NCOA1: variants seen among roughly 807,000 people sequenced by gnomAD.
NCOA1 encodes the protein Hin-2 protein.
A neutral mutation model predicts 150.9 loss-of-function variants in NCOA1; 35 were observed. That is an observed-to-expected ratio of 0.23 (90% CI 0.18 to 0.31). The LOEUF is 0.31. NCOA1 is among the 10% of genes least tolerant of loss of function. NCOA1 has a pLI of 1.00. For synonymous variants in NCOA1, 590 were observed against 630.0 expected (o/e 0.94, Z 0.95); for missense variants, 1,491 against 1,749.3 (o/e 0.85, Z 2.63).
chr2:24,568,256 G>A (rs1666594303), intron 2 of NCOA1, among the ~76,000 whole-genome samples: 3 of 152,172 alleles, frequency 2.0e-5, no homozygotes, highest in Admixed American at 2.0e-4. Flanking sequence ...ACTTGAGACG[G>A]GAAGTTAAGG....
chr2:24,534,984 G>T (rs1002760292), intron 1 of NCOA1, among the ~76,000 whole-genome samples: 1 of 152,112 alleles, frequency 6.6e-6, no homozygotes, highest in Non-Finnish European at 1.5e-5. Flanking sequence ...GCAAAGCTGC[G>T]TTCAAGACCT....
chr2:24,609,403 A>T (rs1475542315), intron 3 of NCOA1, among the ~76,000 whole-genome samples: 1 of 152,174 alleles, frequency 6.6e-6, no homozygotes, highest in Non-Finnish European at 1.5e-5. Context: ...CCTTTCATTT[A>T]TAATTACCTT....
chr2:24,622,053 T>G (rs1184642577), intron 3 of NCOA1, among the ~76,000 whole-genome samples: 7 of 152,178 alleles, frequency 4.6e-5, no homozygotes, highest in African/African-American at 1.7e-4. Context: ...CTGCATCCAC[T>G]TACATATCCA....
intron 1 of NCOA1, among the ~76,000 whole-genome samples, chr2:24,526,683 C>T (rs1664666964): frequency 6.6e-6 from 1 of 150,776 alleles, no homozygotes. Context: ...CATTGCATTG[C>T]AGCCTTTGTG....
intron 1 of NCOA1, among the ~76,000 whole-genome samples, chr2:24,549,068 A>G (rs967215142): frequency 5.3e-5 from 8 of 152,032 alleles, no homozygotes; most frequent in Non-Finnish European, 8.8e-5. Flanking sequence ...GAGGTTCTCT[A>G]TGAGAGCCCC....
At chr2:24,589,791 C>T (rs1667576427) in intron 3 of NCOA1, among the ~76,000 whole-genome samples, 1 of 152,272 alleles carries the variant, frequency 6.6e-6, no homozygotes, top group African/African-American at 2.4e-5. Flanking sequence ...TTCCTTACTC[C>T]ATCAGACATT....
intron 1 of NCOA1, among the ~76,000 whole-genome samples, chr2:24,558,987 G>A (rs1200531249): frequency 6.6e-6 from 1 of 152,068 alleles, no homozygotes; most frequent in Non-Finnish European, 1.5e-5. Flanking sequence ...TGGTTTATCT[G>A]GGCATGCTCA....
In NCOA1 at chr2:24,725,562, G is replaced by A. The variant is rs117181418; in HGVS notation, c.2600-1027G>A. Among the ~76,000 whole-genome samples the A allele has an allele frequency of 3.3e-4, 50 of 152,068 alleles. 1 individual carries two copies. The East Asian group carries it at 9.4e-3, about 29-fold the overall frequency. ...TATAGTCACATTCTGAGATACCAGGGGTTAGGACTTCAGCATATTAATTTG... is the reference window on the plus strand; with the variant it reads ...TATAGTCACATTCTGAGATACCAGGAGTTAGGACTTCAGCATATTAATTTG... On this transcript the variant is annotated intron_variant, in intron 14 of 22. Transcript: ENST00000348332.
chr2:24,702,724 G>A (rs1673223803), intron 11 of NCOA1, among the ~76,000 whole-genome samples: 1 of 152,122 alleles, frequency 6.6e-6, no homozygotes, highest in Admixed American at 6.5e-5. Context: ...TTTAGAAATG[G>A]ACACAGGAAT....
chr2:24,523,414 G>A (rs1273698649), intron 1 of NCOA1, among the ~76,000 whole-genome samples: 1 of 151,282 alleles, frequency 6.6e-6, no homozygotes, highest in Non-Finnish European at 1.5e-5. Context: ...AGACCATCCT[G>A]GCTAACACGG....
chr2:24,559,145 A>C (rs903353426), intron 1 of NCOA1, among the ~76,000 whole-genome samples: 1 of 152,050 alleles, frequency 6.6e-6, no homozygotes, highest in Non-Finnish European at 1.5e-5. Flanking sequence ...TTTAGCTTTC[A>C]TATTTTACTT....
chr2:24,670,504 A>C (rs1428647834), intron 6 of NCOA1, among the ~76,000 whole-genome samples: 1 of 152,226 alleles, frequency 6.6e-6, no homozygotes, highest in Admixed American at 6.5e-5. Flanking sequence ...AAAAGGAATA[A>C]AGTACTGATA....
At chr2:24,747,153 T>C (rs992282894) in intron 19 of NCOA1, among the ~76,000 whole-genome samples, 7 of 152,010 alleles carry the variant, frequency 4.6e-5, no homozygotes, top group African/African-American at 1.7e-4. Context: ...TAAGGGAAAC[T>C]GTTCATTCCA....
chr2:24,528,330 G>C (rs1328948399), intron 1 of NCOA1, among the ~76,000 whole-genome samples: 1 of 148,552 alleles, frequency 6.7e-6, no homozygotes, highest in African/African-American at 2.5e-5. Flanking sequence ...GTCAAATAAG[G>C]GTCCAATTTC....
At chr2:24,531,718 G>A (rs980207500) in intron 1 of NCOA1, among the ~76,000 whole-genome samples, 6 of 152,110 alleles carry the variant, frequency 3.9e-5, no homozygotes, top group Admixed American at 3.3e-4. Flanking sequence ...TTGGTTTTCT[G>A]CCCATGTGAT....
chr2:24,743,434 A>G (rs1456103469), intron 19 of NCOA1, among the ~76,000 whole-genome samples: 1 of 152,242 alleles, frequency 6.6e-6, no homozygotes, highest in African/African-American at 2.4e-5. Flanking sequence ...CTCTAAAGAG[A>G]TTTTAATCAA....
intron 1 of NCOA1, among the ~76,000 whole-genome samples, chr2:24,533,886 A>T (rs183188361): frequency 5.9e-5 from 9 of 152,144 alleles, no homozygotes; most frequent in African/African-American, 2.2e-4. Flanking sequence ...TTCATCAGGG[A>T]TATTGGTCTA....
At chr2:24,554,030 T>C (rs1431500231) in intron 1 of NCOA1, among the ~76,000 whole-genome samples, 2 of 152,208 alleles carry the variant, frequency 1.3e-5, no homozygotes, top group African/African-American at 4.8e-5. Flanking sequence ...TTAATAGCTA[T>C]AAAATCTCTA....
At chr2:24,534,329 C>T (rs1665029699) in intron 1 of NCOA1, among the ~76,000 whole-genome samples, 3 of 151,918 alleles carry the variant, frequency 2.0e-5, no homozygotes, top group East Asian at 1.9e-4. Flanking sequence ...TTTGATTCTT[C>T]TCTCTTTTCT....
Sources: gnomAD v4.1 joint callset for allele counts (sites outside exome capture counted in the v4.1 genomes callset) on GRCh38, gnomAD v4.1.1 for gene constraint, MANE v1.5 for transcripts, NCBI Gene and HGNC (gene_info 2026-07-23, HGNC 2026-07-21) for gene names.